The following DDX10 variants were observed in gnomAD, a reference collection of about 807,000 sequenced individuals.
DDX10 encodes the protein DEAD-box helicase 10.
Under a neutral mutation model 104.3 loss-of-function variants are expected in DDX10, and 74 were observed. The observed-to-expected ratio is 0.71, with a 90% CI of 0.59 to 0.86. The LOEUF (loss-of-function observed/expected upper bound fraction) is 0.86, where lower values mean the gene tolerates loss of function less well. Ranked by LOEUF, DDX10 falls within the 40% of genes least tolerant of loss-of-function variation. DDX10 has a pLI of 0.00. For missense variants in DDX10, 952 were observed against 1,040.0 expected, an observed-to-expected ratio of 0.92 and a Z score of 1.16; for synonymous variants, 351 against 353.4, an observed-to-expected ratio of 0.99 and a Z score of 0.08.
chr11:108,755,510 G>C (rs531292561), intron 13 of DDX10, among the ~76,000 whole-genome samples: 1 of 152,136 alleles, frequency 6.6e-6, no homozygotes, highest in East Asian at 1.9e-4. Context: ...ACAGGATTGA[G>C]TAGTTGTGAT....
intron 13 of DDX10, among the ~76,000 whole-genome samples, chr11:108,788,365 T>A (rs1184272765): frequency 6.6e-6 from 1 of 152,022 alleles, no homozygotes; most frequent in Non-Finnish European, 1.5e-5. Flanking sequence ...AGCTAGATTT[T>A]TTTTTTTCTT....
intron 10 of DDX10, among the ~76,000 whole-genome samples, chr11:108,710,732 G>GTATGTACCATACC (rs1555017203): frequency 1.3e-5 from 2 of 152,186 alleles, no homozygotes; most frequent in Non-Finnish European, 2.9e-5. Flanking sequence ...ATACCTAACT[G>GTATGTACCATACC]TAAGTGCCTG....
intron 13 of DDX10, among the ~76,000 whole-genome samples, chr11:108,747,942 G>A (rs1008966053): frequency 6.6e-6 from 1 of 152,016 alleles, no homozygotes; most frequent in African/African-American, 2.4e-5. Flanking sequence ...TACATATACA[G>A]TAGGAGTGAA....
chr11:108,764,780 A>G (rs1273101607), intron 13 of DDX10, among the ~76,000 whole-genome samples: 1 of 152,216 alleles, frequency 6.6e-6, no homozygotes, highest in Non-Finnish European at 1.5e-5. Flanking sequence ...TCTCAGCATT[A>G]CTTTCTTTGA....
intron 4 of DDX10, among the ~76,000 whole-genome samples, chr11:108,677,750 A>G (rs2094227824): frequency 6.7e-6 from 1 of 150,338 alleles, no homozygotes; most frequent in Admixed American, 6.7e-5. Flanking sequence ...GTGAGGATAA[A>G]TACTTCAATT....
intron 13 of DDX10, among the ~76,000 whole-genome samples, chr11:108,753,449 T>A (rs1035819547): frequency 1.3e-5 from 2 of 152,106 alleles, no homozygotes; most frequent in Non-Finnish European, 2.9e-5. Flanking sequence ...GTACATATTA[T>A]GTACGTATGT....
chr11:108,809,559 A>T (rs541813806), intron 13 of DDX10, among the ~76,000 whole-genome samples: 4 of 152,320 alleles, frequency 2.6e-5, no homozygotes, highest in African/African-American at 9.6e-5. Context: ...AGGTGAAGGT[A>T]AGAATGGAAG....
intron 13 of DDX10, among the ~76,000 whole-genome samples, chr11:108,726,415 A>G (rs2094305520): frequency 6.6e-6 from 1 of 152,096 alleles, no homozygotes; most frequent in Admixed American, 6.5e-5. Flanking sequence ...TAATGTGCAC[A>G]TATTTTGTTA....
chr11:108,690,643 A>G (rs2094251136), intron 7 of DDX10: 1 of 156,782 alleles, frequency 6.4e-6, no homozygotes, highest in Non-Finnish European at 1.4e-5. Flanking sequence ...ACATGCCTTG[A>G]ATCCAGTGCG....
intron 16 of DDX10, among the ~76,000 whole-genome samples, chr11:108,853,549 T>TC (rs1212967126): frequency 3.3e-5 from 5 of 152,176 alleles, no homozygotes; most frequent in African/African-American, 1.2e-4. Context: ...TTTTTTTTTT[T>TC]CATAATGGTT....
At chr11:108,906,260 A>G (rs1239308811) in intron 16 of DDX10, among the ~76,000 whole-genome samples, 1 of 152,184 alleles carries the variant, frequency 6.6e-6, no homozygotes, top group Non-Finnish European at 1.5e-5. Flanking sequence ...TATTTTGTGT[A>G]TAATATTTTA....
chr11:108,828,758 G>A (rs548858223), intron 13 of DDX10, among the ~76,000 whole-genome samples: 2 of 152,224 alleles, frequency 1.3e-5, no homozygotes, highest in South Asian at 4.2e-4. Context: ...TGAGTAGCTG[G>A]GACTACAGGT....
At chr11:108,698,230 G>C (rs1001430958) in intron 9 of DDX10, among the ~76,000 whole-genome samples, 2 of 152,202 alleles carry the variant, frequency 1.3e-5, no homozygotes, top group African/African-American at 4.8e-5. Context: ...TTTTTTAATA[G>C]TGTCTTTAAT....
intron 13 of DDX10, among the ~76,000 whole-genome samples, chr11:108,804,399 G>A (rs1862068051): frequency 6.6e-6 from 1 of 150,582 alleles, no homozygotes; most frequent in Admixed American, 6.7e-5. Context: ...AGTTTGGGAG[G>A]CTGAGGTGAG....
At chr11:108,772,909 G>T (rs1445388957) in intron 13 of DDX10, among the ~76,000 whole-genome samples, 1 of 152,182 alleles carries the variant, frequency 6.6e-6, no homozygotes, top group Admixed American at 6.5e-5. Context: ...TGTTGGTAAG[G>T]TACCAGTAGT....
chr11:108,820,494 G>A (rs894327189), intron 13 of DDX10, among the ~76,000 whole-genome samples: 5 of 152,150 alleles, frequency 3.3e-5, no homozygotes, highest in African/African-American at 9.7e-5. Flanking sequence ...TATCCCTTCC[G>A]TTACTATTCT....
At chr11:108,732,154 TATC>T (rs1400455956) in intron 13 of DDX10, among the ~76,000 whole-genome samples, 4 of 152,220 alleles carry the variant, frequency 2.6e-5, no homozygotes, top group South Asian at 2.1e-4. Flanking sequence ...CTAATAATCA[TATC>T]ATTATAATTA....
At chr11:108,905,758 C>T (rs1453628306) in intron 16 of DDX10, among the ~76,000 whole-genome samples, 7 of 152,134 alleles carry the variant, frequency 4.6e-5, no homozygotes, top group Non-Finnish European at 1.0e-4. Flanking sequence ...TAAAAAAATA[C>T]CTGAGACTTG....
chr11:108,734,529 CA>C (rs1372066891), intron 13 of DDX10, among the ~76,000 whole-genome samples: 1 of 151,978 alleles, frequency 6.6e-6, no homozygotes, highest in Admixed American at 6.6e-5. Context: ...TGTAAATTTT[CA>C]GTGGAAAGCT....
Sources: gnomAD v4.1 joint callset for allele counts (sites outside exome capture counted in the v4.1 genomes callset) on GRCh38, gnomAD v4.1.1 for gene constraint, MANE v1.5 for transcripts, NCBI Gene and HGNC (gene_info 2026-07-23, HGNC 2026-07-21) for gene names.